MAX: variants seen among roughly 807,000 people sequenced by gnomAD.
The protein encoded by MAX is MYC associated transcriptional regulator X, also known as protein max.
In MAX, 3 loss-of-function variants were observed where a neutral mutation model predicts 22.3. The ratio of observed to expected loss-of-function variants is 0.13; its 90% confidence interval spans 0.06 to 0.35. MAX has a LOEUF of 0.35. MAX is among the 10% of genes least tolerant of loss of function. The pLI is 1.00. For synonymous variants in MAX, 72 were observed against 77.7 expected (o/e 0.93, Z 0.39); for missense variants, 119 against 209.4 (o/e 0.57, Z 2.66).
At chr14:65,083,835 A>G (rs924978160) in intron 3 of MAX, 12 of 1,177,528 alleles carry the variant, frequency 1.0e-5, no homozygotes, top group Non-Finnish European at 1.3e-5. Flanking sequence ...TTTTACACAT[A>G]TGAAGGTAAA....
Position 65,077,668 on chromosome 14 carries a change from C to T in MAX, c.295+245G>A. 1 of 1,498,492 alleles carries T rather than the reference C, an allele frequency of 6.7e-7. No individual in the cohort carries two copies. The highest frequency in any genetic ancestry group is 9.0e-7 in the Non-Finnish European group (1 of 1,105,890). 92.8% of individuals were successfully genotyped at this position (1,498,492 alleles called of 1,614,324 possible). ...CCTGAGCCCCAAGAAGGGGAGAGGT[C>T]AGGCCAGAAAAGATACAAGTCTCCA... On this transcript the variant is annotated intron_variant, in intron 4 of 4. Coordinates refer to ENST00000358664, the MANE Select transcript of MAX (RefSeq NM_002382.5). This position sits in a 1 kb window ranked among gnomAD's most constrained non-coding sequence, Gnocchi z 6.3.
At chr14:65,051,674 C>T (rs1389555637) in intron 3 of MAX, among the ~76,000 whole-genome samples, 2 of 152,032 alleles carry the variant, frequency 1.3e-5, no homozygotes, top group Middle Eastern at 3.2e-3. Flanking sequence ...TCTTTATAGA[C>T]TGTATCATAA....
At chr14:65,026,865 A>AAAAAAAAC (rs1377607922) in intron 3 of MAX, among the ~76,000 whole-genome samples, 5 of 152,104 alleles carry the variant, frequency 3.3e-5, no homozygotes, top group Non-Finnish European at 7.4e-5. Flanking sequence ...CCGCCTCAAA[A>AAAAAAAAC]AAAAAAACAA....
chr14:65,068,687 A>C (rs2062956412), intron 3 of MAX, among the ~76,000 whole-genome samples: 1 of 151,890 alleles, frequency 6.6e-6, no homozygotes, highest in Non-Finnish European at 1.5e-5. Flanking sequence ...AACAGACCCC[A>C]CACTTTCTTA....
chr14:65,070,073 GGGCTGCCA>G lies in MAX; in HGVS notation c.171+23627_171+23634del, dbSNP rs140596614. Reference sequence around the variant, plus strand: ...CTGTGCATGGGAGCCATGGGCTGCCGGGCTGCCAGGCTGCCAGCCGGATTCCGGATGAG... The same window carrying G: ...CTGTGCATGGGAGCCATGGGCTGCCGGGCTGCCAGCCGGATTCCGGATGAG... On this transcript the variant is annotated intron_variant, in intron 3 of 3. Coordinates refer to the MAX transcript ENST00000341653. This position sits in a 1 kb window ranked among gnomAD's most constrained non-coding sequence, Gnocchi z 4.4. Among the ~76,000 whole-genome samples the G allele has an allele frequency of 0.043, 6,558 of 152,258 alleles. 249 individuals are homozygous for G. Among genetic ancestry groups the G allele is most frequent in the Non-Finnish European group, 0.056 (3,835 of 68,012 alleles).
rs892260921 is a variant in MAX, at chr14:65,082,602, T to TA, written c.172-4567dup. Among the ~76,000 whole-genome samples, 1 of 151,738 alleles carries TA rather than the reference T, an allele frequency of 6.6e-6. No individual in the cohort carries two copies. The highest frequency in any genetic ancestry group is 1.5e-5 in the Non-Finnish European group (1 of 67,930). On this transcript the variant is annotated intron_variant, in intron 3 of 4. Coordinates refer to ENST00000358664, the MANE Select transcript of MAX (RefSeq NM_002382.5). This position sits in a 1 kb window ranked among gnomAD's most constrained non-coding sequence, Gnocchi z 4.8. ...AACACAGCAAGACACTTGGGCTCTATAAAAAAATCAAAAGATTAGCTGGGC... is the reference window on the plus strand; with the variant it reads ...AACACAGCAAGACACTTGGGCTCTATAAAAAAAATCAAAAGATTAGCTGGGC...
At chr14:65,006,947 A>G (rs1007351455) in intron 3 of MAX, among the ~76,000 whole-genome samples, 1 of 152,154 alleles carries the variant, frequency 6.6e-6, no homozygotes, top group South Asian at 2.1e-4. Context: ...TGGGTGGGAA[A>G]AAAAAAGTGT....
rs751355136 is a variant in MAX, at chr14:65,012,301, CTGTT to C, written c.172-6021_172-6018del. On this transcript the variant is annotated intron_variant, in intron 3 of 3. Transcript: ENST00000341653. The surrounding 1 kb of genome is among the most constrained non-coding windows in gnomAD (Gnocchi z 5.0). The stretch of plus-strand genomic sequence containing the variant: ...TAAGCTATTAGAATGGGCTTATAAA[CTGTT>C]TGTCTTTCCAGGCTTGTTTTGCAGA... 35 of 1,613,920 alleles carry C rather than the reference CTGTT, an allele frequency of 2.2e-5. No homozygotes were observed. Among genetic ancestry groups the C allele is most frequent in the Admixed American group, 1.5e-4 (9 of 60,000 alleles).
rs2062002182 is a variant in MAX at position 65,027,364 on chromosome 14, C to A, written c.172-21080G>T. On this transcript the variant is annotated intron_variant, in intron 3 of 3. Coordinates refer to the MAX transcript ENST00000341653. This position sits in a 1 kb window ranked among gnomAD's most constrained non-coding sequence, Gnocchi z 5.7. ...CTCAACTTTTGAGGGAGTGGGGGAT[C>A]ATTGGAAAGGCCTGGAATCTAGTGG... is the stretch of plus-strand genomic sequence containing the variant. 1 of 1,563,016 alleles carries A rather than the reference C, an allele frequency of 6.4e-7. No homozygotes were observed. The highest frequency in any genetic ancestry group is 1.4e-5 in the African/African-American group (1 of 73,770).
At position 65,083,832 on chromosome 14, in the gene MAX, C is replaced by T. The variant is rs545582380; in HGVS notation, c.172-5796G>A. ...TCTGAAACCTGTGTAAGCTTTTACA[C>T]ATATGAAGGTAAAGGGAGGGCCCAG... On this transcript the variant is annotated intron_variant, in intron 3 of 4. Transcript: ENST00000358664. 21 of 1,171,604 alleles carry T rather than the reference C, an allele frequency of 1.8e-5. No homozygotes were observed. The African/African-American group carries it at 3.1e-4, about 17-fold the overall frequency. The allele number at this position is 1,171,604 out of a possible 1,614,324, so 72.6% of individuals were successfully genotyped here.
At chr14:65,087,352 T>C (rs1318211064) in intron 3 of MAX, among the ~76,000 whole-genome samples, 1 of 152,148 alleles carries the variant, frequency 6.6e-6, no homozygotes, top group Non-Finnish European at 1.5e-5. Context: ...ACTGACATCT[T>C]GCACTGTGCA....
At chr14:65,071,975 G>C (rs1210305730), downstream of MAX, among the ~76,000 whole-genome samples, 1 of 152,226 alleles carries the variant, frequency 6.6e-6, no homozygotes, top group Non-Finnish European at 1.5e-5. This position sits in a 1 kb window ranked among gnomAD's most constrained non-coding sequence, Gnocchi z 4.2. Flanking sequence ...GGGGATGTAT[G>C]AGTTAGCCGC....
rs145030158 is a variant in MAX, at chr14:65,078,232, G to A, written c.172-196C>T. Among the ~76,000 whole-genome samples the A allele has an allele frequency of 6.3e-3, 956 of 152,028 alleles. 8 individuals are homozygous for A. Among genetic ancestry groups the A allele is most frequent in the African/African-American group, 0.022 (912 of 41,464 alleles). On this transcript the variant is annotated intron_variant, in intron 3 of 4. Transcript: ENST00000358664. This position sits in a 1 kb window ranked among gnomAD's most constrained non-coding sequence, Gnocchi z 6.4. Reference sequence around the variant, plus strand: ...TTTTATTTTTTTGAGACAGAGTTTCGCTCTTGTTGCCCAAGCTGGAGTGCA... The same window carrying A: ...TTTTATTTTTTTGAGACAGAGTTTCACTCTTGTTGCCCAAGCTGGAGTGCA...
In MAX at chr14:65,075,447, G is replaced by A. The variant is rs866730684; in HGVS notation, c.*1029C>T. 9.4e-7 allele frequency: 1 copy of A among 1,063,764 alleles called. No homozygotes were observed. Among genetic ancestry groups the A allele is most frequent in the Non-Finnish European group, 1.1e-6 (1 of 878,044 alleles). 65.9% of individuals were successfully genotyped at this position (1,063,764 alleles called of 1,614,324 possible). A position where few individuals can be genotyped will look rare whatever the true frequency, so the allele number is the denominator to read the frequency against. On this transcript the variant is annotated 3_prime_UTR_variant, in exon 5 of 5. Transcript: ENST00000358664. The surrounding 1 kb of genome is among the most constrained non-coding windows in gnomAD (Gnocchi z 4.1). ...GTGGGATGAGGGCTGGGAAGGGTCC[G>A]CACTGGGGTGCGGGTTTAGTACCAG...
chr14:65,063,785 G>A (rs147102830), intron 3 of MAX, among the ~76,000 whole-genome samples: 2 of 152,112 alleles, frequency 1.3e-5, no homozygotes, highest in African/African-American at 2.4e-5. Context: ...AGCTGGTCTC[G>A]AGCTCCTGGG....
At position 65,076,092 on chromosome 14, in the gene MAX, C is replaced by T; in HGVS notation, c.*384G>A. On this transcript the variant is annotated 3_prime_UTR_variant, in exon 5 of 5. Transcript: ENST00000358664. This position sits in a 1 kb window ranked among gnomAD's most constrained non-coding sequence, Gnocchi z 6.6. ...AGGGCGGGCCAGGAGGCCACCTGGG[C>T]AGGGCAGGCGTCCCCCGGGCATGTG... 1.6e-6 allele frequency: 2 copies of T among 1,252,220 alleles called. No homozygotes were observed. Among genetic ancestry groups the T allele is most frequent in the Non-Finnish European group, 2.0e-6 (2 of 994,896 alleles). The allele number at this position is 1,252,220 out of a possible 1,614,324, so 77.6% of individuals were successfully genotyped here. A position where few individuals can be genotyped will look rare whatever the true frequency, so the allele number is the denominator to read the frequency against.
chr14:65,022,010 G>A (rs757357804), intron 3 of MAX: 1 of 456,056 alleles, frequency 2.2e-6, no homozygotes, highest in African/African-American at 2.0e-5. Context: ...ACTTGCCGGT[G>A]CTTGATGAAG....
chr14:65,043,482 C>T (rs1234199146), intron 3 of MAX, among the ~76,000 whole-genome samples: 1 of 152,106 alleles, frequency 6.6e-6, no homozygotes, highest in East Asian at 1.9e-4. Context: ...GGTAAATTTC[C>T]CCAGGTGCCA....
At chr14:65,037,012 C>T (rs1346679555) in intron 3 of MAX, among the ~76,000 whole-genome samples, 1 of 151,932 alleles carries the variant, frequency 6.6e-6, no homozygotes, top group Non-Finnish European at 1.5e-5. Context: ...TTGCTGGGCA[C>T]TCGATTTGGA....
Sources: allele counts gnomAD v4.1 joint callset (sites outside exome capture counted in the v4.1 genomes callset), GRCh38; gene constraint gnomAD v4.1.1; non-coding constraint Gnocchi (gnomAD v3.1); transcripts MANE v1.5; gene names NCBI Gene and HGNC (gene_info 2026-07-23, HGNC 2026-07-21).